SIAH3: variants seen among roughly 807,000 people sequenced by gnomAD.
SIAH3 encodes siah E3 ubiquitin protein ligase family member 3, also known as seven in absentia homolog 3.
A neutral mutation model predicts 12.6 loss-of-function variants in SIAH3; 9 were observed. That is an observed-to-expected ratio of 0.72 (90% CI 0.43 to 1.25). The LOEUF (loss-of-function observed/expected upper bound fraction) is 1.25, where lower values mean the gene tolerates loss of function less well. Ranked by LOEUF, SIAH3 falls within the 50% of genes most tolerant of loss-of-function variation. The pLI, the probability that SIAH3 is intolerant of heterozygous loss-of-function variation, is 0.00. For synonymous variants in SIAH3, 154 were observed against 151.1 expected (o/e 1.02, Z -0.14); for missense variants, 390 against 365.4 (o/e 1.07, Z -0.55).
At chr13:45,831,070 T>C (rs956039903) in intron 1 of SIAH3, among the ~76,000 whole-genome samples, 1 of 151,924 alleles carries the variant, frequency 6.6e-6, no homozygotes, top group Non-Finnish European at 1.5e-5. Context: ...TCCCAGCTAC[T>C]TGAGAGACTG....
At position 45,781,050 on chromosome 13, in the gene SIAH3, G is replaced by A. The variant is rs1379266408; in HGVS notation, c.*2333C>T. The A allele has an allele frequency of 1.3e-5, 2 of 152,588 alleles. No homozygotes were observed. Among genetic ancestry groups the A allele is most frequent in the African/African-American group, 2.4e-5 (1 of 41,430 alleles). 9.5% of individuals were successfully genotyped at this position (152,588 alleles called of 1,614,324 possible). A position where few individuals can be genotyped will look rare whatever the true frequency, so the allele number is the denominator to read the frequency against. On this transcript the variant is annotated 3_prime_UTR_variant, in exon 2 of 2. Coordinates refer to ENST00000400405, the MANE Select transcript of SIAH3 (RefSeq NM_198849.3). ...GATAATAATACATTTCCCATGCTTTGTCCTAAAGCTTTCTAGGAACAAAAA... is the reference window on the plus strand; with the variant it reads ...GATAATAATACATTTCCCATGCTTTATCCTAAAGCTTTCTAGGAACAAAAA...
chr13:45,831,532 G>A (rs191241092), intron 1 of SIAH3, among the ~76,000 whole-genome samples: 4 of 152,292 alleles, frequency 2.6e-5, no homozygotes, highest in South Asian at 2.1e-4. Context: ...TATGCCAGGC[G>A]CTGTTCTAGA....
intron 1 of SIAH3, among the ~76,000 whole-genome samples, chr13:45,813,290 G>A (rs1324146048): frequency 6.6e-6 from 1 of 152,224 alleles, no homozygotes; most frequent in Non-Finnish European, 1.5e-5. Flanking sequence ...AGTCTGTGAT[G>A]CTGTCATGCA....
At chr13:45,803,975 T>C (rs1950590861) in intron 1 of SIAH3, among the ~76,000 whole-genome samples, 1 of 152,130 alleles carries the variant, frequency 6.6e-6, no homozygotes, top group African/African-American at 2.4e-5. Flanking sequence ...TTTATCCAAT[T>C]ACCTACAACC....
At chr13:45,789,324 C>T (rs931866578) in intron 1 of SIAH3, among the ~76,000 whole-genome samples, 16 of 152,078 alleles carry the variant, frequency 1.1e-4, no homozygotes, top group East Asian at 1.9e-4. Context: ...CTTTAGTATA[C>T]GGAATGTGAT....
At position 45,793,249 on chromosome 13, in the gene SIAH3, T is replaced by C. The variant is rs1950551933; in HGVS notation, c.136-9192A>G. 2.0e-5 allele frequency among the ~76,000 whole-genome samples: 3 copies of C among 152,196 alleles called. No individual in the cohort carries two copies. In the South Asian group the frequency reaches 6.2e-4, roughly 32 times the overall value. ...ATGCAAACTGCAGAAGCAGAGGTGT[T>C]AGGAGGTTACAAATGGGCAGAGGTG... On this transcript the variant is annotated intron_variant, in intron 1 of 1. Transcript: ENST00000400405.
chr13:45,798,338 A>C (rs1290717955), intron 1 of SIAH3, among the ~76,000 whole-genome samples: 3 of 152,240 alleles, frequency 2.0e-5, no homozygotes, highest in Non-Finnish European at 2.9e-5. Context: ...TCATTCAATC[A>C]ATCACGCAAC....
At chr13:45,795,827 C>A (rs1950560594) in intron 1 of SIAH3, among the ~76,000 whole-genome samples, 1 of 152,132 alleles carries the variant, frequency 6.6e-6, no homozygotes, top group Non-Finnish European at 1.5e-5. Context: ...CTAAAAATCA[C>A]CTAAATGTTC....
intron 1 of SIAH3, among the ~76,000 whole-genome samples, chr13:45,784,543 G>A (rs1051132278): frequency 1.3e-5 from 2 of 151,576 alleles, no homozygotes; most frequent in Admixed American, 1.3e-4. Context: ...TGTCCTTCCA[G>A]TGTAGTCAGG....
chr13:45,783,785 G>A lies in SIAH3; in HGVS notation c.408C>T (p.Leu136=). 1 of 1,614,232 alleles carries A rather than the reference G, an allele frequency of 6.2e-7. No homozygotes were observed. Among genetic ancestry groups the A allele is most frequent in the African/African-American group, 1.3e-5 (1 of 75,062 alleles). The part of the protein sequence containing the change: ...HLRQIHRVDI[L]QGAEIVFLAT... The stretch of plus-strand genomic sequence containing the variant: ...CCAGGAAGACGATCTCGGCTCCCTG[G>A]AGGATGTCAACCCTATGGATCTGCC... Residue 136 remains leucine, a synonymous_variant, in exon 2 of 2, where the codon CTC becomes CTT. Transcript: ENST00000400405.
chr13:45,831,069 C>T (rs1033062335), intron 1 of SIAH3, among the ~76,000 whole-genome samples: 3 of 151,984 alleles, frequency 2.0e-5, no homozygotes, highest in Non-Finnish European at 2.9e-5. Context: ...GTCCCAGCTA[C>T]TTGAGAGACT....
chr13:45,788,758 T>C (rs1950535884), intron 1 of SIAH3, among the ~76,000 whole-genome samples: 1 of 152,214 alleles, frequency 6.6e-6, no homozygotes, highest in South Asian at 2.1e-4. Flanking sequence ...TGCTTTTCCT[T>C]TCCACTTACT....
intron 1 of SIAH3, among the ~76,000 whole-genome samples, chr13:45,816,239 G>A (rs1950633926): frequency 6.6e-6 from 1 of 152,196 alleles, no homozygotes; most frequent in South Asian, 2.1e-4. Flanking sequence ...ACAACTCCAG[G>A]AGCCCTTGCC....
intron 1 of SIAH3, among the ~76,000 whole-genome samples, chr13:45,845,080 C>A (rs867088770): frequency 6.6e-6 from 1 of 152,224 alleles, no homozygotes; most frequent in South Asian, 2.1e-4. Flanking sequence ...TGCCCTTTCA[C>A]ACATAGTGCC....
At chr13:45,808,316 G>A (rs7334770) in intron 1 of SIAH3, among the ~76,000 whole-genome samples, 58,673 of 152,074 alleles carry the variant, frequency 0.39, 12,061 homozygotes, top group African/African-American at 0.45. Context: ...AGTATCCTAA[G>A]ACTATTATCC....
intron 1 of SIAH3, among the ~76,000 whole-genome samples, chr13:45,832,654 G>C (rs535375553): frequency 1.7e-4 from 26 of 152,274 alleles, no homozygotes; most frequent in African/African-American, 6.3e-4. Context: ...ACATCCGTTT[G>C]ACTTTTTATT....
At chr13:45,806,329 A>G (rs1950598166) in intron 1 of SIAH3, among the ~76,000 whole-genome samples, 1 of 152,182 alleles carries the variant, frequency 6.6e-6, no homozygotes, top group Admixed American at 6.5e-5. Context: ...GTCCCCATCA[A>G]TGGTGGACTG....
At chr13:45,839,831 C>CA (rs1950733898) in intron 1 of SIAH3, among the ~76,000 whole-genome samples, 1 of 151,444 alleles carries the variant, frequency 6.6e-6, no homozygotes, top group Non-Finnish European at 1.5e-5. Context: ...GACTCTGTCT[C>CA]AAAAAACAAA....
At position 45,796,769 on chromosome 13, in the gene SIAH3, C is replaced by G. The variant is rs140657969; in HGVS notation, c.136-12712G>C. Among the ~76,000 whole-genome samples the G allele has an allele frequency of 4.2e-3, 635 of 152,320 alleles. 4 individuals are homozygous for G. The highest frequency in any genetic ancestry group is 0.014 in the African/African-American group (602 of 41,572). ...ATGCCTCACTGAATGAATGGCTCCT[C>G]CTCTCTGCAATGTGGCTCTCCTCAC... On this transcript the variant is annotated intron_variant, in intron 1 of 1. Coordinates refer to ENST00000400405, the MANE Select transcript of SIAH3 (RefSeq NM_198849.3).
Sources: gnomAD v4.1 joint callset for allele counts (sites outside exome capture counted in the v4.1 genomes callset) on GRCh38, gnomAD v4.1.1 for gene constraint, MANE v1.5 for transcripts, NCBI Gene and HGNC (gene_info 2026-07-23, HGNC 2026-07-21) for gene names.